The following PRSS12 variants were observed in gnomAD, a reference collection of about 807,000 sequenced individuals.
The protein encoded by PRSS12 is neurotrypsin.
PRSS12 carries 85 observed loss-of-function variants against 104.4 expected under a neutral mutation model. The ratio of observed to expected loss-of-function variants is 0.81; its 90% CI spans 0.68 to 0.98. The LOEUF is 0.98. Among genes scored for constraint, PRSS12 ranks in the 50% least tolerant of loss-of-function variants. The probability of loss-of-function intolerance (pLI) is 0.00; values close to 1 mark genes in which losing one functional copy is unlikely to be tolerated. For synonymous variants in PRSS12, 454 were observed against 425.2 expected, an observed-to-expected ratio of 1.07 and a Z score of -0.83; for missense variants, 1,141 against 1,139.2, an observed-to-expected ratio of 1.00 and a Z score of -0.02.
In PRSS12 at chr4:118,298,936, C is replaced by A. The variant is rs1050222821; in HGVS notation, c.1634G>T (p.Gly545Val). ...AVICRQLGYK[G>V]PARARTMAYF... The stretch of plus-strand genomic sequence containing the variant: ...AGCCATGGTTCTTGCTCTGGCAGGA[C>A]CCCTGAAGACAGAACATTCTTAATC... The change falls in exon 9 of 13, where the codon GGT becomes GTT. Residue 545 changes from glycine (G) to valine (V), a missense_variant and splice_region_variant. Coordinates refer to ENST00000296498, the MANE Select transcript of PRSS12 (RefSeq NM_003619.4). 9 of 1,613,922 alleles carry A rather than the reference C, an allele frequency of 5.6e-6. No individual in the cohort carries two copies. The highest frequency in any genetic ancestry group is 1.6e-4 in the Middle Eastern group (1 of 6,076).
At chr4:118,339,137 C>A (rs1724134633) in intron 1 of PRSS12, among the ~76,000 whole-genome samples, 1 of 152,108 alleles carries the variant, frequency 6.6e-6, no homozygotes, top group African/African-American at 2.4e-5. Context: ...AAGTGTGGTT[C>A]AAAGACCTAC....
At chr4:118,343,429 C>G (rs1011723953) in intron 1 of PRSS12, among the ~76,000 whole-genome samples, 1 of 152,058 alleles carries the variant, frequency 6.6e-6, no homozygotes, top group Non-Finnish European at 1.5e-5. Flanking sequence ...GCAAAACAAC[C>G]TTCCTTTCCA....
chr4:118,296,893 T>C (rs957310634), intron 9 of PRSS12, among the ~76,000 whole-genome samples: 1 of 152,132 alleles, frequency 6.6e-6, no homozygotes, highest in Non-Finnish European at 1.5e-5. Flanking sequence ...AGAAAAAACA[T>C]AAGTTTCCAA....
At chr4:118,329,973 CT>C (rs1261711527) in intron 4 of PRSS12, among the ~76,000 whole-genome samples, 4 of 152,146 alleles carry the variant, frequency 2.6e-5, no homozygotes, top group African/African-American at 9.7e-5. Context: ...AAAATCTTGT[CT>C]CATAAACGTA....
In PRSS12 at chr4:118,313,398, C is replaced by G; in HGVS notation, c.1293-1G>C. 6.2e-7 allele frequency: 1 copy of G among 1,613,844 alleles called. No homozygotes were observed. The highest frequency in any genetic ancestry group is 1.1e-5 in the South Asian group (1 of 91,074). On this transcript the variant is annotated splice_acceptor_variant, in intron 6 of 12. Transcript: ENST00000296498. LOFTEE classifies it high-confidence loss of function. Reference sequence around the variant, plus strand: ...GTTGGCAGATGCTTGTTTACCATATCTGTGACAATTGAATAAACACTGTGT... The same window carrying G: ...GTTGGCAGATGCTTGTTTACCATATGTGTGACAATTGAATAAACACTGTGT...
chr4:118,331,691 C>G, intron 4 of PRSS12, 25 bp downstream of exon 4: 1 of 1,613,872 alleles, frequency 6.2e-7, no homozygotes. Flanking sequence ...AAAGTTTAAG[C>G]AAAACAAGAG....
In PRSS12 at chr4:118,308,444, A is replaced by C. The variant is rs1270007154; in HGVS notation, c.1623T>G (p.Leu541=). The change falls in exon 8 of 13, where the codon CTT becomes CTG. Residue 541 remains leucine (L), a synonymous_variant. Transcript: ENST00000296498. Reference sequence around the variant, plus strand: ...AATTAGGTTTTCCTTACTTGTAGCCAAGCTGACGACAGATCACAGCTGCAT... The same window carrying C: ...AATTAGGTTTTCCTTACTTGTAGCCCAGCTGACGACAGATCACAGCTGCAT... ...DKDAAVICRQ[L]GYKGPARART... is the part of the protein sequence containing the mutation. 10 of 1,613,962 alleles carry C rather than the reference A, an allele frequency of 6.2e-6. No homozygotes were observed. The African/African-American group carries it at 1.3e-4, about 22-fold the overall frequency.
chr4:118,335,474 A>G lies in PRSS12; in HGVS notation c.819T>C (p.His273=). 1 of 1,613,700 alleles carries G rather than the reference A, an allele frequency of 6.2e-7. No homozygotes were observed. The highest frequency in any genetic ancestry group is 8.5e-7 in the Non-Finnish European group (1 of 1,179,854). ...ACAGAACTTTTTTCTTTTTTTTACC[A>G]TGGGAAAAGCTACACGTGACAGCAG... The part of the protein sequence containing the change: ...MAAAVTCSFS[H]GPTFPIIRLA... The change falls in exon 3 of 13, where the codon CAT becomes CAC. Residue 273 remains histidine, a splice_region_variant and synonymous_variant. Coordinates refer to ENST00000296498, the MANE Select transcript of PRSS12 (RefSeq NM_003619.4).
chr4:118,313,437 C>T, intron 6 of PRSS12, 40 bp from the exon 7 acceptor site: 1 of 1,604,178 alleles, frequency 6.2e-7, no homozygotes, highest in East Asian at 2.2e-5. Context: ...GAACTTCTGT[C>T]TCTTGGTTCA....
intron 6 of PRSS12, among the ~76,000 whole-genome samples, chr4:118,315,782 G>A (rs1436660409): frequency 6.6e-6 from 1 of 152,162 alleles, no homozygotes; most frequent in Middle Eastern, 3.2e-3. Context: ...TCTGAGAAAG[G>A]GAATAATGTA....
chr4:118,308,556 T>G lies in PRSS12; in HGVS notation c.1511A>C (p.Asp504Ala). The change falls in exon 8 of 13, where the codon GAT becomes GCT. Residue 504 changes from aspartate (D) to alanine (A), a missense_variant. Coordinates refer to ENST00000296498, the MANE Select transcript of PRSS12 (RefSeq NM_003619.4). ...TCGTCCTTCTTTCTTATTTTCTCCA[T>G]CCATCAGTCTGACAGGAAAACCTAA... ...LSLGFPVRLM[D>A]GENKKEGRVE... 1 of 1,612,802 alleles carries G rather than the reference T, an allele frequency of 6.2e-7. No individual in the cohort carries two copies. The highest frequency in any genetic ancestry group is 8.5e-7 in the Non-Finnish European group (1 of 1,179,386).
chr4:118,338,299 C>A lies in PRSS12; in HGVS notation c.518G>T (p.Arg173Leu), dbSNP rs764862487. 6.2e-7 allele frequency: 1 copy of A among 1,613,812 alleles called. No individual in the cohort carries two copies. Among genetic ancestry groups the A allele is most frequent in the Non-Finnish European group, 8.5e-7 (1 of 1,179,934 alleles). The part of the protein sequence containing the change: ...CDCRHGSVRL[R>L]GGKNEFEGTV... ...GCCTTCAAACTCATTTTTGCCGCCA[C>A]GAAGTCGTACTGATCCTAAAGTGGA... Residue 173 changes from arginine to leucine, a missense_variant, in exon 2 of 13, where the codon CGT becomes CTT. Physicochemically the swap from Arg to Leu is moderately radical, Grantham distance 102. Transcript: ENST00000296498.
chr4:118,350,287 ACAATT>A (rs1724461055), intron 1 of PRSS12, among the ~76,000 whole-genome samples: 1 of 152,210 alleles, frequency 6.6e-6, no homozygotes, highest in South Asian at 2.1e-4. Flanking sequence ...TTTCTAAAGC[ACAATT>A]CAATATTCTT....
chr4:118,314,021 C>T (rs868509430), intron 6 of PRSS12, among the ~76,000 whole-genome samples: 15 of 152,022 alleles, frequency 9.9e-5, no homozygotes, highest in African/African-American at 2.9e-4. Flanking sequence ...AAAACCTAAA[C>T]GTATAATAAA....
chr4:118,330,504 A>T (rs931826293), intron 4 of PRSS12, among the ~76,000 whole-genome samples: 2 of 152,024 alleles, frequency 1.3e-5, no homozygotes, highest in African/African-American at 2.4e-5. Flanking sequence ...AACCAAACCA[A>T]ACCAAAAAAA....
chr4:118,350,146 G>A (rs890954668), intron 1 of PRSS12, among the ~76,000 whole-genome samples: 3 of 152,150 alleles, frequency 2.0e-5, no homozygotes, highest in East Asian at 1.9e-4. Flanking sequence ...CATGCTCAGC[G>A]CTGCAAAGGT....
Position 118,338,181 on chromosome 4 carries a change from C to T in PRSS12, c.636G>A (p.Gln212=), listed in dbSNP as rs760359476. The T allele has an allele frequency of 6.2e-7, 1 of 1,614,004 alleles. No individual in the cohort carries two copies. Among genetic ancestry groups the T allele is most frequent in the South Asian group, 1.1e-5 (1 of 91,086 alleles). The change falls in exon 2 of 13, where the codon CAG becomes CAA. Residue 212 remains glutamine, a synonymous_variant. Coordinates refer to ENST00000296498, the MANE Select transcript of PRSS12 (RefSeq NM_003619.4). The stretch of plus-strand genomic sequence containing the variant: ...TCAGGGATGGGTACACTCACCCCAG[C>T]TGCAGCTGGTGACAAATGACTGATG... ...SDASVICHQL[Q]LGGKGIAKQT... is the part of the protein sequence containing the mutation.
chr4:118,339,322 C>A (rs762415462), intron 1 of PRSS12, among the ~76,000 whole-genome samples: 1 of 152,120 alleles, frequency 6.6e-6, no homozygotes, highest in African/African-American at 2.4e-5. Flanking sequence ...TTTAAAAAAT[C>A]AATCCTACCC....
intron 3 of PRSS12, among the ~76,000 whole-genome samples, chr4:118,332,897 C>T (rs949185857): frequency 1.4e-4 from 21 of 152,166 alleles, no homozygotes; most frequent in Admixed American, 1.0e-3. Context: ...TGCTGCAGGG[C>T]ATTCGAAGAG....
Sources: allele counts gnomAD v4.1 joint callset (sites outside exome capture counted in the v4.1 genomes callset), GRCh38; gene constraint gnomAD v4.1.1; transcripts MANE v1.5; gene names NCBI Gene and HGNC (gene_info 2026-07-23, HGNC 2026-07-21).